The following DENND6A variants were observed in gnomAD, a reference collection of about 807,000 sequenced individuals.
DENND6A encodes the protein DENN domain containing 6A, also known as protein DENND6A.
DENND6A carries 43 observed loss-of-function variants against 95.5 expected under a neutral mutation model. The observed-to-expected ratio is 0.45, with a 90% CI of 0.35 to 0.58. The LOEUF (loss-of-function observed/expected upper bound fraction) is 0.58, where lower values mean the gene tolerates loss of function less well. Among genes scored for constraint, DENND6A ranks in the 20% least tolerant of loss-of-function variants. DENND6A has a pLI of 0.00. For synonymous variants in DENND6A, 257 were observed against 260.4 expected (o/e 0.99, Z 0.13); for missense variants, 574 against 736.0 (o/e 0.78, Z 2.55).
At chr3:57,647,414 G>A (rs1026978282) in intron 9 of DENND6A, among the ~76,000 whole-genome samples, 22 of 152,130 alleles carry the variant, frequency 1.4e-4, no homozygotes, top group African/African-American at 4.8e-4. Context: ...AAAGAGAGCC[G>A]TATTGACCAG....
chr3:57,646,526 T>G, intron 9 of DENND6A, 88 bp from the exon 10 acceptor site: 3 of 1,452,960 alleles, frequency 2.1e-6, no homozygotes, highest in Non-Finnish European at 1.8e-6. Flanking sequence ...AAACTCCACA[T>G]TGATATAAAT....
At chr3:57,669,311 C>T (rs1037408758) in intron 3 of DENND6A, among the ~76,000 whole-genome samples, 1 of 152,100 alleles carries the variant, frequency 6.6e-6, no homozygotes, top group African/African-American at 2.4e-5. Context: ...CAGCAAAGTG[C>T]CTGCTTTCAG....
In DENND6A at chr3:57,677,378, A is replaced by C. The variant is rs528880285; in HGVS notation, c.238-4940T>G. The stretch of plus-strand genomic sequence containing the variant: ...AACTTTGCAATAACATGAATCAATA[A>C]ACTTTGTTTTCTTATGCCAGTTTGG... On this transcript the variant is annotated intron_variant, in intron 1 of 19. Transcript: ENST00000311128. Among the ~76,000 whole-genome samples, 6 of 149,840 alleles carry C rather than the reference A, an allele frequency of 4.0e-5. No individual in the cohort carries two copies. In the East Asian group the frequency reaches 1.2e-3, roughly 29 times the overall value.
intron 1 of DENND6A, among the ~76,000 whole-genome samples, chr3:57,689,895 C>T (rs967815270): frequency 4.6e-5 from 7 of 151,922 alleles, no homozygotes; most frequent in Non-Finnish European, 8.8e-5. Context: ...AAGACCCTGT[C>T]CCCACAAAAA....
chr3:57,663,260 T>C (rs1014380438), intron 5 of DENND6A, among the ~76,000 whole-genome samples: 43 of 147,996 alleles, frequency 2.9e-4, no homozygotes, highest in Middle Eastern at 3.4e-3. Flanking sequence ...AGGTCAAGAG[T>C]TCAAGACCAG....
chr3:57,680,859 C>G (rs1265913015), intron 1 of DENND6A, among the ~76,000 whole-genome samples: 1 of 152,090 alleles, frequency 6.6e-6, no homozygotes, highest in Non-Finnish European at 1.5e-5. Flanking sequence ...TAAGACATGG[C>G]TCATACCTAC....
At chr3:57,671,542 AG>A (rs1444892880) in intron 3 of DENND6A, among the ~76,000 whole-genome samples, 1 of 151,894 alleles carries the variant, frequency 6.6e-6, no homozygotes, top group Non-Finnish European at 1.5e-5. Context: ...AAAAAAAAAA[AG>A]GAAGTAACCA....
chr3:57,681,018 C>G (rs374540427), intron 1 of DENND6A, among the ~76,000 whole-genome samples: 39 of 152,236 alleles, frequency 2.6e-4, no homozygotes, highest in African/African-American at 8.4e-4. Context: ...CAGTATAGCC[C>G]TGCAATTTCA....
At chr3:57,643,966 T>G (rs543464686) in intron 11 of DENND6A, among the ~76,000 whole-genome samples, 11 of 151,144 alleles carry the variant, frequency 7.3e-5, no homozygotes, top group Admixed American at 3.3e-4. Context: ...CTGGCCAATA[T>G]AGTGAAACCC....
chr3:57,684,154 A>AC (rs1418866133), intron 1 of DENND6A, among the ~76,000 whole-genome samples: 2 of 141,120 alleles, frequency 1.4e-5, no homozygotes, highest in Non-Finnish European at 3.1e-5. Context: ...TCCGTCTCAA[A>AC]AAAAAAAAAA....
chr3:57,684,621 A>G (rs1231674582), intron 1 of DENND6A, among the ~76,000 whole-genome samples: 1 of 151,852 alleles, frequency 6.6e-6, no homozygotes, highest in African/African-American at 2.4e-5. Flanking sequence ...CTGTTTCTAC[A>G]AAAAAACAAA....
At chr3:57,659,349 AAAGT>A (rs1175317736) in intron 7 of DENND6A, among the ~76,000 whole-genome samples, 169 bp from the exon 8 acceptor site, 2 of 152,228 alleles carry the variant, frequency 1.3e-5, no homozygotes, top group Non-Finnish European at 2.9e-5. Context: ...GTCACAGCAG[AAAGT>A]AAGTAAATCA....
chr3:57,644,478 G>A (rs1031680485), intron 11 of DENND6A, among the ~76,000 whole-genome samples: 4 of 150,766 alleles, frequency 2.7e-5, no homozygotes, highest in Admixed American at 6.6e-5. Flanking sequence ...GCTAATTTTT[G>A]TATTTTTTTT....
At chr3:57,648,930 G>A (rs772378947) in intron 9 of DENND6A, among the ~76,000 whole-genome samples, 13 of 151,986 alleles carry the variant, frequency 8.6e-5, no homozygotes, top group Admixed American at 2.0e-4. Context: ...GATAACATTG[G>A]AAAAAACCCA....
Position 57,659,256 on chromosome 3 carries a change from AG to A in DENND6A, c.700-77del, listed in dbSNP as rs922397392. On this transcript the variant is annotated intron_variant, in intron 7 of 19. Coordinates refer to ENST00000311128, the MANE Select transcript of DENND6A (RefSeq NM_152678.3). ...GAAGTGCTGTATCCTGCTGCTAAAA[AG>A]GTATGGTCAGTAATGCCAAAAAAGC... The A allele has an allele frequency of 8.6e-6, 13 of 1,503,216 alleles. No individual in the cohort carries two copies. The African/African-American group carries it at 1.2e-4, about 14-fold the overall frequency. 93.1% of individuals were successfully genotyped at this position (1,503,216 alleles called of 1,614,324 possible).
chr3:57,655,319 C>T (rs1314312471), intron 9 of DENND6A, among the ~76,000 whole-genome samples: 3 of 152,194 alleles, frequency 2.0e-5, no homozygotes, highest in Non-Finnish European at 4.4e-5. Context: ...AGGCGTGAGC[C>T]ACTGCATCTG....
chr3:57,685,195 T>C (rs995554261), intron 1 of DENND6A, among the ~76,000 whole-genome samples: 2 of 152,012 alleles, frequency 1.3e-5, no homozygotes, highest in African/African-American at 2.4e-5. Flanking sequence ...AGTGCTGGGA[T>C]TACAGGCGTG....
At chr3:57,637,640 T>C (rs745941060) in intron 12 of DENND6A, among the ~76,000 whole-genome samples, 2 of 151,618 alleles carry the variant, frequency 1.3e-5, no homozygotes, top group Admixed American at 6.6e-5. Context: ...GGCCTGGGTG[T>C]TTTTTAACTC....
chr3:57,673,243 G>GAA (rs111548640), intron 1 of DENND6A, among the ~76,000 whole-genome samples: 3 of 118,706 alleles, frequency 2.5e-5, no homozygotes. Flanking sequence ...GAAAGAAAAA[G>GAA]AAAAAAAAAA....
Sources: gnomAD v4.1 joint callset for allele counts (sites outside exome capture counted in the v4.1 genomes callset) on GRCh38, gnomAD v4.1.1 for gene constraint, MANE v1.5 for transcripts, NCBI Gene and HGNC (gene_info 2026-07-23, HGNC 2026-07-21) for gene names.